The following TSPEAR variants were observed in gnomAD, a reference collection of about 807,000 sequenced individuals.
TSPEAR encodes the protein thrombospondin type laminin G domain and EAR repeats.
Under a neutral mutation model 71.6 loss-of-function variants are expected in TSPEAR, and 69 were observed. The observed-to-expected ratio is 0.96, with a 90% CI of 0.79 to 1.18. The LOEUF (loss-of-function observed/expected upper bound fraction) is 1.18. Ranked by LOEUF, TSPEAR falls within the 50% of genes most tolerant of loss-of-function variation. The pLI, the probability that TSPEAR is intolerant of heterozygous loss-of-function variation, is 0.00. For synonymous variants in TSPEAR, 402 were observed against 387.2 expected (o/e 1.04, Z -0.45); for missense variants, 971 against 894.9 (o/e 1.09, Z -1.09).
Position 44,499,578 on chromosome 21 carries a change from CTG to C in TSPEAR, c.*203_*204del. ...CTCTGCCTGCAAGACCAGACCGTCA[CTG>C]GGGCTGTGGCTCAGAAGGACTCAGA... On this transcript the variant is annotated 3_prime_UTR_variant, in exon 12 of 12. Coordinates refer to ENST00000323084, the MANE Select transcript of TSPEAR (RefSeq NM_144991.3). 1 of 544,608 alleles carries C rather than the reference CTG, an allele frequency of 1.8e-6. No homozygotes were observed. The allele number at this position is 544,608 out of a possible 1,614,324, so 33.7% of individuals were successfully genotyped here.
At chr21:44,667,962 C>T (rs1250991354) in intron 1 of TSPEAR, among the ~76,000 whole-genome samples, 1 of 152,206 alleles carries the variant, frequency 6.6e-6, no homozygotes, top group Non-Finnish European at 1.5e-5. Flanking sequence ...AAGCCTCATA[C>T]CCACTGGTGA....
At chr21:44,633,713 C>T (rs1034539576) in intron 1 of TSPEAR, among the ~76,000 whole-genome samples, 4 of 152,122 alleles carry the variant, frequency 2.6e-5, no homozygotes, top group South Asian at 4.2e-4. Flanking sequence ...GTTTTATACA[C>T]GGCCATATTA....
At chr21:44,516,718 A>AT (rs1484773652) in intron 9 of TSPEAR, 5 of 152,212 alleles carry the variant, frequency 3.3e-5, no homozygotes. Flanking sequence ...CAACTGTGCC[A>AT]TCCCTGGGGC....
intron 1 of TSPEAR, among the ~76,000 whole-genome samples, chr21:44,693,254 T>A (rs1374472123): frequency 2.0e-5 from 3 of 152,106 alleles, no homozygotes; most frequent in African/African-American, 7.2e-5. Context: ...ACCATCAAAA[T>A]CTTAGGAGAA....
chr21:44,674,125 A>C (rs587607903), intron 1 of TSPEAR, among the ~76,000 whole-genome samples: 25 of 151,744 alleles, frequency 1.6e-4, no homozygotes, highest in African/African-American at 5.6e-4. Context: ...TCTCAAAAAA[A>C]AAAAAAGTAG....
chr21:44,654,428 G>A (rs781994472), intron 1 of TSPEAR: 11 of 1,614,038 alleles, frequency 6.8e-6, no homozygotes, highest in Admixed American at 3.3e-5. Context: ...CAGGGGCTGG[G>A]CACACAGCAG....
At chr21:44,517,361 T>C (rs2052607556) in intron 9 of TSPEAR, 1 of 165,712 alleles carries the variant, frequency 6.0e-6, no homozygotes, top group Admixed American at 6.1e-5. Flanking sequence ...GACAGGAGAC[T>C]GGGTCATATG....
intron 2 of TSPEAR, among the ~76,000 whole-genome samples, chr21:44,553,146 AGCACTTG>A (rs2053472321): frequency 6.6e-6 from 1 of 152,252 alleles, no homozygotes; most frequent in Non-Finnish European, 1.5e-5. Flanking sequence ...GAGCATTCCA[AGCACTTG>A]GCATCTATTA....
At chr21:44,706,680 C>T (rs960863478) in intron 1 of TSPEAR, among the ~76,000 whole-genome samples, 4 of 152,208 alleles carry the variant, frequency 2.6e-5, no homozygotes, top group Admixed American at 6.5e-5. Flanking sequence ...AGGGGTCGCC[C>T]CGCCACCGTT....
At chr21:44,677,904 G>A in intron 1 of TSPEAR, 2 of 1,400,630 alleles carry the variant, frequency 1.4e-6, no homozygotes, top group Non-Finnish European at 2.0e-6. Flanking sequence ...ATATAGGATA[G>A]TGCCACCAAT....
At chr21:44,541,052 C>T (rs1394790771) in intron 2 of TSPEAR, among the ~76,000 whole-genome samples, 4 of 151,114 alleles carry the variant, frequency 2.6e-5, no homozygotes, top group Non-Finnish European at 4.4e-5. Flanking sequence ...GGATTGCAGG[C>T]GTGAGCCCGG....
At chr21:44,669,467 AAC>A (rs1985952657) in intron 1 of TSPEAR, among the ~76,000 whole-genome samples, 1 of 152,170 alleles carries the variant, frequency 6.6e-6, no homozygotes, top group African/African-American at 2.4e-5. Flanking sequence ...TCTCCCCTAA[AAC>A]ACAAAGCTAC....
At position 44,588,726 on chromosome 21, in the gene TSPEAR, GTGTA is replaced by G. The variant is rs1225181689; in HGVS notation, c.83-20725_83-20722del. ...TATATATAAACTGATATATATGTGTGTGTATATATGTATATATATGTTATATATA... is the reference window on the plus strand; with the variant it reads ...TATATATAAACTGATATATATGTGTGTATATGTATATATATGTTATATATA... On this transcript the variant is annotated intron_variant, in intron 1 of 11. Coordinates refer to ENST00000323084, the MANE Select transcript of TSPEAR (RefSeq NM_144991.3). Among the ~76,000 whole-genome samples the G allele has an allele frequency of 4.0e-5, 3 of 75,866 alleles. No individual in the cohort carries two copies. In the South Asian group the frequency reaches 1.2e-3, roughly 31 times the overall value. The allele number at this position is 75,866 out of a possible 152,430, so 49.8% of individuals were successfully genotyped here.
At chr21:44,551,790 C>G (rs2053445633) in intron 2 of TSPEAR, among the ~76,000 whole-genome samples, 3 of 152,190 alleles carry the variant, frequency 2.0e-5, no homozygotes, top group African/African-American at 4.8e-5. Flanking sequence ...TGGGGCTGAC[C>G]TGGTGACTTC....
chr21:44,549,951 C>G (rs1248954909), intron 2 of TSPEAR, among the ~76,000 whole-genome samples: 14 of 152,228 alleles, frequency 9.2e-5, no homozygotes, highest in African/African-American at 2.9e-4. Flanking sequence ...CCCAAGCTGT[C>G]CCTGAGTGGA....
intron 1 of TSPEAR, among the ~76,000 whole-genome samples, chr21:44,688,720 A>T (rs1986974804): frequency 6.6e-6 from 1 of 152,016 alleles, no homozygotes; most frequent in Non-Finnish European, 1.5e-5. Context: ...AAGAAAAAAA[A>T]ATGAAAAGGA....
chr21:44,667,835 T>C (rs1555945177), intron 1 of TSPEAR, among the ~76,000 whole-genome samples: 2 of 152,160 alleles, frequency 1.3e-5, no homozygotes, highest in Non-Finnish European at 1.5e-5. Context: ...TCTCAATTGA[T>C]ATAGAAAAGG....
At chr21:44,582,852 T>TTTTG (rs1979085870) in intron 1 of TSPEAR, among the ~76,000 whole-genome samples, 2 of 32,208 alleles carry the variant, frequency 6.2e-5, no homozygotes, top group Non-Finnish European at 1.6e-4. Flanking sequence ...CTTTTCTTTT[T>TTTTG]TGACACACAG....
intron 2 of TSPEAR, among the ~76,000 whole-genome samples, chr21:44,547,650 G>C (rs1255882198): frequency 6.6e-6 from 1 of 152,220 alleles, no homozygotes; most frequent in African/African-American, 2.4e-5. Context: ...ATTTGACAGA[G>C]AGTTCCTTAA....
Sources: allele counts gnomAD v4.1 joint callset (sites outside exome capture counted in the v4.1 genomes callset), GRCh38; gene constraint gnomAD v4.1.1; transcripts MANE v1.5; gene names NCBI Gene and HGNC (gene_info 2026-07-23, HGNC 2026-07-21).